The following UNC5C variants were observed in gnomAD, a reference collection of about 807,000 sequenced individuals.
The protein encoded by UNC5C is unc-5 netrin receptor C.
A neutral mutation model predicts 99.8 loss-of-function variants in UNC5C; 47 were observed. The ratio of observed to expected loss-of-function variants is 0.47; its 90% CI spans 0.37 to 0.60. The LOEUF is 0.60. Ranked by LOEUF, UNC5C falls within the 20% of genes least tolerant of loss-of-function variation. The pLI, the probability that UNC5C is intolerant of heterozygous loss-of-function variation, is 0.00. For synonymous variants in UNC5C, 487 were observed against 452.2 expected (o/e 1.08, Z -0.98); for missense variants, 1,062 against 1,165.9 (o/e 0.91, Z 1.30).
chr4:95,400,665 A>T (rs1232357179), intron 1 of UNC5C, among the ~76,000 whole-genome samples: 2 of 152,138 alleles, frequency 1.3e-5, no homozygotes, highest in Non-Finnish European at 2.9e-5. Context: ...TGCTGGGATT[A>T]CAGGCGTGAG....
chr4:95,527,230 C>T (rs1030686818), intron 1 of UNC5C, among the ~76,000 whole-genome samples: 4 of 151,994 alleles, frequency 2.6e-5, no homozygotes, highest in East Asian at 1.9e-4. Context: ...ACAACAAAAA[C>T]GCATCACACA....
intron 1 of UNC5C, among the ~76,000 whole-genome samples, chr4:95,359,152 C>T (rs982196988): frequency 6.6e-6 from 1 of 152,060 alleles, no homozygotes; most frequent in Non-Finnish European, 1.5e-5. Flanking sequence ...TAGCTAGTAT[C>T]CATTTATCAG....
chr4:95,208,364 T>A (rs1003903067), intron 10 of UNC5C, among the ~76,000 whole-genome samples: 1 of 152,204 alleles, frequency 6.6e-6, no homozygotes, highest in African/African-American at 2.4e-5. Flanking sequence ...CCACTCTAAG[T>A]ATTCCCAACA....
At chr4:95,203,288 A>T (rs1287647542) in intron 11 of UNC5C, among the ~76,000 whole-genome samples, 1 of 152,298 alleles carries the variant, frequency 6.6e-6, no homozygotes, top group East Asian at 1.9e-4. Flanking sequence ...CAATTCTACT[A>T]TGTTCTTTCA....
intron 1 of UNC5C, among the ~76,000 whole-genome samples, chr4:95,464,365 C>G (rs1747705919): frequency 6.6e-6 from 1 of 152,106 alleles, no homozygotes; most frequent in Non-Finnish European, 1.5e-5. Flanking sequence ...TTTTTGCCAT[C>G]TACAATTAAA....
At chr4:95,462,635 T>A (rs532324692) in intron 1 of UNC5C, among the ~76,000 whole-genome samples, 1 of 152,342 alleles carries the variant, frequency 6.6e-6, no homozygotes, top group Non-Finnish European at 1.5e-5. Flanking sequence ...ACTGCTGTAA[T>A]GTTTTAGACA....
chr4:95,480,198 T>C (rs1167638380), intron 1 of UNC5C, among the ~76,000 whole-genome samples: 1 of 150,340 alleles, frequency 6.7e-6, no homozygotes, highest in African/African-American at 2.5e-5. Context: ...TATGTACATA[T>C]ATATGTATAC....
intron 1 of UNC5C, among the ~76,000 whole-genome samples, chr4:95,399,356 T>C (rs1745619747): frequency 6.6e-6 from 1 of 152,196 alleles, no homozygotes; most frequent in African/African-American, 2.4e-5. Context: ...TCACACTACA[T>C]ACAAGAGGCA....
chr4:95,484,695 A>G (rs1056565003), intron 1 of UNC5C, among the ~76,000 whole-genome samples: 3 of 151,814 alleles, frequency 2.0e-5, no homozygotes, highest in Non-Finnish European at 4.4e-5. Context: ...GATGCATAAT[A>G]TTTTGGTGTT....
intron 1 of UNC5C, among the ~76,000 whole-genome samples, chr4:95,546,422 G>A (rs1268757080): frequency 6.6e-6 from 1 of 152,206 alleles, no homozygotes; most frequent in Admixed American, 6.5e-5. Flanking sequence ...AGTGGAGTTT[G>A]GTGCTTTATC....
chr4:95,177,249 G>A (rs1484597894), intron 14 of UNC5C, among the ~76,000 whole-genome samples: 6 of 152,104 alleles, frequency 3.9e-5, no homozygotes, highest in African/African-American at 9.7e-5. Flanking sequence ...GTTCCTATTC[G>A]GCTGTCTCTC....
At chr4:95,380,708 T>C (rs997288866) in intron 1 of UNC5C, among the ~76,000 whole-genome samples, 16 of 152,354 alleles carry the variant, frequency 1.1e-4, no homozygotes, top group African/African-American at 3.8e-4. Context: ...TTTCTGTGTG[T>C]AACAAACAAT....
At chr4:95,365,148 T>A (rs1315670120) in intron 1 of UNC5C, among the ~76,000 whole-genome samples, 2 of 150,680 alleles carry the variant, frequency 1.3e-5, no homozygotes, top group East Asian at 3.9e-4. Flanking sequence ...TACAAGAAAT[T>A]AACTGGGCAT....
chr4:95,178,889 C>CTTTG (rs1271404657), intron 14 of UNC5C, among the ~76,000 whole-genome samples: 3 of 152,056 alleles, frequency 2.0e-5, no homozygotes. Context: ...GGCATCATTT[C>CTTTG]TTTGTTTCTT....
intron 1 of UNC5C, among the ~76,000 whole-genome samples, chr4:95,497,004 T>C (rs1382962742): frequency 6.6e-6 from 1 of 151,956 alleles, no homozygotes; most frequent in East Asian, 1.9e-4. Flanking sequence ...GCAAAAGACA[T>C]TATTTCATTC....
intron 1 of UNC5C, among the ~76,000 whole-genome samples, chr4:95,495,920 T>G (rs1205946634): frequency 6.6e-6 from 1 of 151,792 alleles, no homozygotes; most frequent in Non-Finnish European, 1.5e-5. Context: ...TCAATTCATA[T>G]GGAGAAATAG....
At chr4:95,475,656 C>T (rs1578183765) in intron 1 of UNC5C, among the ~76,000 whole-genome samples, 1 of 151,982 alleles carries the variant, frequency 6.6e-6, no homozygotes, top group Non-Finnish European at 1.5e-5. Flanking sequence ...GTCCATTGCC[C>T]CTTTAAACTC....
At chr4:95,521,479 A>G (rs1049959104) in intron 1 of UNC5C, among the ~76,000 whole-genome samples, 5 of 151,962 alleles carry the variant, frequency 3.3e-5, no homozygotes, top group Non-Finnish European at 7.4e-5. Flanking sequence ...CGGCCTCCCA[A>G]AGTGCTGGGA....
chr4:95,276,608 A>T (rs1007796163), intron 4 of UNC5C, among the ~76,000 whole-genome samples: 1 of 152,200 alleles, frequency 6.6e-6, no homozygotes, highest in Non-Finnish European at 1.5e-5. Flanking sequence ...AGGTGGTTTC[A>T]TGGAGGAGGT....
Sources: allele counts gnomAD v4.1 joint callset (sites outside exome capture counted in the v4.1 genomes callset), GRCh38; gene constraint gnomAD v4.1.1; transcripts MANE v1.5; gene names NCBI Gene and HGNC (gene_info 2026-07-23, HGNC 2026-07-21).